Variants in GRM7 observed in about 807,000 individuals in gnomAD.
GRM7 encodes the protein glutamate metabotropic receptor 7.
A neutral mutation model predicts 84.5 loss-of-function variants in GRM7; 35 were observed. That is an observed-to-expected ratio of 0.41 (90% CI 0.32 to 0.55). The LOEUF (loss-of-function observed/expected upper bound fraction) is 0.55, where lower values mean the gene tolerates loss of function less well. Ranked by LOEUF, GRM7 falls within the 20% of genes least tolerant of loss-of-function variation. The probability of loss-of-function intolerance (pLI) is 0.19; values close to 1 mark genes in which losing one functional copy is unlikely to be tolerated. For missense variants in GRM7, 1,003 were observed against 1,194.6 expected, an observed-to-expected ratio of 0.84 and a Z score of 2.36; for synonymous variants, 487 against 455.1, an observed-to-expected ratio of 1.07 and a Z score of -0.89.
chr3:7,206,681 C>G (rs1696251825), intron 2 of GRM7, among the ~76,000 whole-genome samples: 2 of 152,098 alleles, frequency 1.3e-5, no homozygotes, highest in South Asian at 2.1e-4. Context: ...GCAAGGAAAG[C>G]AAAAGGAGAG....
At chr3:7,046,596 G>A (rs931620106) in intron 1 of GRM7, among the ~76,000 whole-genome samples, 10 of 152,090 alleles carry the variant, frequency 6.6e-5, no homozygotes, top group Non-Finnish European at 1.5e-4. Flanking sequence ...GCTATTTACA[G>A]GAGGCATTCC....
rs140701782 is a variant in GRM7, at chr3:7,156,987, T to G, written c.736+10319T>G. Among the ~76,000 whole-genome samples the G allele has an allele frequency of 8.6e-5, 13 of 151,948 alleles. No individual in the cohort carries two copies. In the East Asian group the frequency reaches 2.5e-3, roughly 29 times the overall value. ...AAAAAAATCAGAATTCTTTGAAAGA[T>G]TATTAGGCAATGCAAAAAATACTGA... On this transcript the variant is annotated intron_variant, in intron 2 of 9. Transcript: ENST00000357716.
At chr3:7,575,867 A>G (rs1485290640) in intron 7 of GRM7, among the ~76,000 whole-genome samples, 1 of 152,200 alleles carries the variant, frequency 6.6e-6, no homozygotes, top group African/African-American at 2.4e-5. Context: ...AGAAAAAAAA[A>G]GCTGGGCAGC....
At chr3:7,000,772 G>T (rs764794909) in intron 1 of GRM7, among the ~76,000 whole-genome samples, 1 of 152,150 alleles carries the variant, frequency 6.6e-6, no homozygotes. Flanking sequence ...CATTACTTTG[G>T]AATGGGGAAA....
At position 7,342,253 on chromosome 3, in the gene GRM7, G is replaced by A. The variant is rs146727319; in HGVS notation, c.1033+35601G>A. Among the ~76,000 whole-genome samples, 3 of 152,180 alleles carry A rather than the reference G, an allele frequency of 2.0e-5. No homozygotes were observed. The East Asian group carries it at 5.8e-4, about 29-fold the overall frequency. ...CAAAACTATGACTTTTATTCAGTCT[G>A]GCTTCAACTGTTTTTCTTAGCTGTA... On this transcript the variant is annotated intron_variant, in intron 4 of 9. Transcript: ENST00000357716.
chr3:7,305,452 G>T lies in GRM7; in HGVS notation c.879-1046G>T, dbSNP rs1341798943. Among the ~76,000 whole-genome samples the T allele has an allele frequency of 2.6e-5, 2 of 76,072 alleles. 1 individual carries two copies. The allele number at this position is 76,072 out of a possible 152,430, so 49.9% of individuals were successfully genotyped here. On this transcript the variant is annotated intron_variant, in intron 3 of 9. Transcript: ENST00000357716. ...ATGCTGGTGCGCTGCACCCACTAAC[G>T]TGTCATCTAGCATTAGGTATATCTC...
intron 7 of GRM7, among the ~76,000 whole-genome samples, chr3:7,515,513 A>C (rs1443748108): frequency 6.6e-6 from 1 of 152,204 alleles, no homozygotes. Flanking sequence ...TTAAGCCATT[A>C]AGTTGTAAAA....
At chr3:7,321,530 C>T (rs1011711492) in intron 4 of GRM7, among the ~76,000 whole-genome samples, 8 of 152,022 alleles carry the variant, frequency 5.3e-5, no homozygotes, top group African/African-American at 1.9e-4. Context: ...TCTTATACAA[C>T]AAACCACAGT....
intron 4 of GRM7, among the ~76,000 whole-genome samples, chr3:7,380,427 T>C (rs1273953783): frequency 6.6e-6 from 1 of 152,214 alleles, no homozygotes; most frequent in Non-Finnish European, 1.5e-5. Context: ...GTCACCACAA[T>C]ATTTCAACTA....
At chr3:7,361,260 C>T (rs1170806860) in intron 4 of GRM7, among the ~76,000 whole-genome samples, 1 of 151,888 alleles carries the variant, frequency 6.6e-6, no homozygotes, top group Non-Finnish European at 1.5e-5. Flanking sequence ...TGGAAAGTAC[C>T]TTCTCAGAAT....
At chr3:7,679,978 C>A in intron 8 of GRM7, 71 bp from the exon 9 acceptor site, 1 of 1,426,490 alleles carries the variant, frequency 7.0e-7, no homozygotes, top group Non-Finnish European at 9.7e-7. Context: ...TTCTTGACAT[C>A]GCTTTAAGTG....
chr3:7,169,893 A>T (rs1694926727), intron 2 of GRM7, among the ~76,000 whole-genome samples: 1 of 152,176 alleles, frequency 6.6e-6, no homozygotes, highest in Non-Finnish European at 1.5e-5. Context: ...CATTTTTAAC[A>T]CCTGTTAAAA....
At chr3:7,437,533 C>T (rs1193455072) in intron 5 of GRM7, among the ~76,000 whole-genome samples, 2 of 152,076 alleles carry the variant, frequency 1.3e-5, no homozygotes, top group Non-Finnish European at 2.9e-5. Flanking sequence ...GTCCTAGACC[C>T]TAAATTAATT....
At chr3:7,515,669 G>C (rs992915534) in intron 7 of GRM7, among the ~76,000 whole-genome samples, 1 of 152,086 alleles carries the variant, frequency 6.6e-6, no homozygotes, top group Non-Finnish European at 1.5e-5. Context: ...GCAAAGGAAG[G>C]TACCTGTCAC....
At chr3:7,714,758 G>A (rs977184162) in intron 9 of GRM7, among the ~76,000 whole-genome samples, 1 of 152,200 alleles carries the variant, frequency 6.6e-6, no homozygotes, top group African/African-American at 2.4e-5. Flanking sequence ...TCCAAGAACA[G>A]TTTGGGTCCT....
At chr3:7,538,522 T>C (rs2125012941) in intron 7 of GRM7, among the ~76,000 whole-genome samples, 1 of 152,342 alleles carries the variant, frequency 6.6e-6, no homozygotes, top group African/African-American at 2.4e-5. Context: ...AGCAAAACTC[T>C]CTCTTTTCAC....
chr3:7,060,250 C>T lies in GRM7; in HGVS notation c.520-86202C>T, dbSNP rs546648346. 1.1e-3 allele frequency among the ~76,000 whole-genome samples: 163 copies of T among 151,870 alleles called. 1 individual carries two copies. The highest frequency in any genetic ancestry group is 3.5e-3 in the African/African-American group (146 of 41,492). On this transcript the variant is annotated intron_variant, in intron 1 of 9. Transcript: ENST00000357716. ...ATGGCAGAAGGAGCCCAGATCCTAC[C>T]GATCTTTGCATTCAGTTTGCTGTGG...
intron 8 of GRM7, among the ~76,000 whole-genome samples, chr3:7,656,547 GCACACA>G (rs36040422): frequency 8.6e-5 from 12 of 139,300 alleles, no homozygotes; most frequent in Admixed American, 1.4e-4. Flanking sequence ...ATACGCGCGC[GCACACA>G]CACACACACA....
chr3:7,303,872 C>A (rs1409220625), intron 3 of GRM7, among the ~76,000 whole-genome samples: 1 of 151,638 alleles, frequency 6.6e-6, no homozygotes, highest in Admixed American at 6.6e-5. Flanking sequence ...TTTTTCTGGA[C>A]CCTAACTGAA....
Sources: gnomAD v4.1 joint callset for allele counts (sites outside exome capture counted in the v4.1 genomes callset) on GRCh38, gnomAD v4.1.1 for gene constraint, MANE v1.5 for transcripts, NCBI Gene and HGNC (gene_info 2026-07-23, HGNC 2026-07-21) for gene names.